Variants in TBL1XR1 observed in about 807,000 individuals in gnomAD.
TBL1XR1 encodes the protein TBL1X/Y related 1.
TBL1XR1 carries 5 observed loss-of-function variants against 66.9 expected under a neutral mutation model. The observed-to-expected ratio is 0.07, with a 90% CI of 0.04 to 0.16. The LOEUF is 0.16. TBL1XR1 is among the 10% of genes least tolerant of loss of function. The pLI, the probability that TBL1XR1 is intolerant of heterozygous loss-of-function variation, is 1.00. For synonymous variants in TBL1XR1, 210 were observed against 206.0 expected (o/e 1.02, Z -0.17); for missense variants, 238 against 623.2 (o/e 0.38, Z 6.58).
chr3:177,090,321 T>A (rs1722664177), intron 2 of TBL1XR1, among the ~76,000 whole-genome samples: 2 of 152,158 alleles, frequency 1.3e-5, no homozygotes, highest in Admixed American at 1.3e-4. Context: ...AAATGTTTCC[T>A]ATGATTATAA....
chr3:177,136,554 G>A (rs768375725), intron 1 of TBL1XR1, among the ~76,000 whole-genome samples: 10 of 152,148 alleles, frequency 6.6e-5, no homozygotes, highest in African/African-American at 1.9e-4. Context: ...TGCTGGGATC[G>A]TGGGCATGAG....
chr3:177,094,925 T>C (rs115616591), intron 2 of TBL1XR1, among the ~76,000 whole-genome samples: 11,301 of 151,630 alleles, frequency 0.075, 555 homozygotes, highest in Admixed American at 0.16. Flanking sequence ...CTAAAGAACT[T>C]ATCCATGTAA....
intron 10 of TBL1XR1, among the ~76,000 whole-genome samples, chr3:177,039,957 C>T (rs1715344864): frequency 6.6e-6 from 1 of 152,114 alleles, no homozygotes; most frequent in South Asian, 2.1e-4. Flanking sequence ...CCTACAATGT[C>T]TAAAATACTT....
At chr3:177,081,982 C>A (rs4857814) in intron 2 of TBL1XR1, among the ~76,000 whole-genome samples, 1 of 151,868 alleles carries the variant, frequency 6.6e-6, no homozygotes, top group African/African-American at 2.4e-5. Flanking sequence ...AGCTGGTACA[C>A]AGTGTGAAAC....
chr3:177,069,791 GGAAAGGAAGGAA>G (rs1719676172), intron 2 of TBL1XR1, among the ~76,000 whole-genome samples: 1 of 77,076 alleles, frequency 1.3e-5, no homozygotes, highest in Admixed American at 1.6e-4. Flanking sequence ...GGAAAAGGAA[GGAAAGGAAGGAA>G]GGAAGGAAGG....
At chr3:177,085,614 G>GA (rs1217009529) in intron 2 of TBL1XR1, among the ~76,000 whole-genome samples, 1 of 151,990 alleles carries the variant, frequency 6.6e-6, no homozygotes, top group South Asian at 2.1e-4. Context: ...CTTTATGACT[G>GA]AAAAAATATG....
intron 1 of TBL1XR1, among the ~76,000 whole-genome samples, chr3:177,154,668 T>C (rs979807940): frequency 6.6e-6 from 1 of 152,134 alleles, no homozygotes; most frequent in Non-Finnish European, 1.5e-5. Context: ...GTGCTAAGAT[T>C]ACAGGCATGA....
At chr3:177,160,326 T>C (rs764104607) in intron 1 of TBL1XR1, among the ~76,000 whole-genome samples, 2 of 151,776 alleles carry the variant, frequency 1.3e-5, no homozygotes, top group South Asian at 2.1e-4. Context: ...TACAAAAAAT[T>C]AGCTGGGCGT....
chr3:177,038,785 G>C (rs545482718), intron 10 of TBL1XR1, among the ~76,000 whole-genome samples: 3 of 152,114 alleles, frequency 2.0e-5, no homozygotes, highest in Non-Finnish European at 4.4e-5. Flanking sequence ...TCTAAAATCT[G>C]TGAGTGTTCA....
chr3:177,131,906 TA>T (rs71626253), intron 1 of TBL1XR1, among the ~76,000 whole-genome samples: 64,173 of 144,894 alleles, frequency 0.44, 14,562 homozygotes, highest in East Asian at 0.66. Context: ...AGTGGAAGTT[TA>T]AAAAAAAAAA....
chr3:177,196,446 A>G (rs2109027213), intron 1 of TBL1XR1: 1 of 151,048 alleles, frequency 6.6e-6, no homozygotes, highest in East Asian at 1.9e-4. Context: ...GTTACAAATA[A>G]ACACGTCCCG....
intron 1 of TBL1XR1, among the ~76,000 whole-genome samples, chr3:177,151,925 G>A (rs1156733118): frequency 6.6e-6 from 1 of 152,162 alleles, no homozygotes; most frequent in African/African-American, 2.4e-5. Context: ...TCAGGAGGCT[G>A]AGGCAGGAGA....
Position 177,108,328 on chromosome 3 carries a change from A to G in TBL1XR1, c.-121-9787T>C, listed in dbSNP as rs532270033. ...AATGAAGTTCATTAAGAAAATTATAAGTATTAAACTTCAACATTCCTCTGC... is the reference window on the plus strand; with the variant it reads ...AATGAAGTTCATTAAGAAAATTATAGGTATTAAACTTCAACATTCCTCTGC... On this transcript the variant is annotated intron_variant, in intron 1 of 15. Transcript: ENST00000457928. 2.0e-3 allele frequency among the ~76,000 whole-genome samples: 298 copies of G among 152,326 alleles called. 1 individual carries two copies. The highest frequency in any genetic ancestry group is 6.9e-3 in the African/African-American group (288 of 41,590).
At chr3:177,125,618 A>G (rs1038902665) in intron 1 of TBL1XR1, among the ~76,000 whole-genome samples, 2 of 152,220 alleles carry the variant, frequency 1.3e-5, no homozygotes, top group Non-Finnish European at 2.9e-5. Context: ...TGTTTCATAT[A>G]TGAATATATA....
intron 1 of TBL1XR1, among the ~76,000 whole-genome samples, chr3:177,139,669 T>TTA (rs1553853764): frequency 2.1e-5 from 3 of 145,772 alleles, no homozygotes; most frequent in Non-Finnish European, 3.0e-5. Context: ...AAAATATAGT[T>TTA]AAAAAAAAAA....
chr3:177,097,134 T>TGG (rs1193942366), intron 2 of TBL1XR1, among the ~76,000 whole-genome samples: 1 of 152,250 alleles, frequency 6.6e-6, no homozygotes, highest in African/African-American at 2.4e-5. Flanking sequence ...CCACTTATTC[T>TGG]GGTTCTTAAC....
chr3:177,114,412 G>A (rs1020832205), intron 1 of TBL1XR1, among the ~76,000 whole-genome samples: 1 of 151,870 alleles, frequency 6.6e-6, no homozygotes, highest in African/African-American at 2.4e-5. Flanking sequence ...CCAACCCCAA[G>A]TTCAAAAGAT....
At chr3:177,197,693 AGGC>A (rs1227517885), upstream of TBL1XR1, among the ~76,000 whole-genome samples, 1 of 26,532 alleles carries the variant, frequency 3.8e-5, no homozygotes, top group African/African-American at 1.4e-4. Flanking sequence ...GGACGCCGGG[AGGC>A]GGCGGCGGCG....
Position 177,158,753 on chromosome 3 carries a change from C to T in TBL1XR1, c.-122+38368G>A, listed in dbSNP as rs375446091. On this transcript the variant is annotated intron_variant, in intron 1 of 15. Coordinates refer to ENST00000457928, the MANE Select transcript of TBL1XR1 (RefSeq NM_024665.7). ...TGGCGCTTTAGGGATTCTGTTTGAG[C>T]ACCTCTAGATTAAAGAAAATTGGAC... is the stretch of plus-strand genomic sequence containing the variant. Among the ~76,000 whole-genome samples, 8 of 152,058 alleles carry T rather than the reference C, an allele frequency of 5.3e-5. No individual in the cohort carries two copies. The South Asian group carries it at 1.2e-3, about 24-fold the overall frequency.
Sources: allele counts gnomAD v4.1 joint callset (sites outside exome capture counted in the v4.1 genomes callset), GRCh38; gene constraint gnomAD v4.1.1; transcripts MANE v1.5; gene names NCBI Gene and HGNC (gene_info 2026-07-23, HGNC 2026-07-21).